Variants in ZNF653 observed in about 807,000 individuals in gnomAD.
ZNF653 encodes zinc finger protein 653.
A neutral mutation model predicts 59.9 loss-of-function variants in ZNF653; 37 were observed. That is an observed-to-expected ratio of 0.62 (90% CI 0.48 to 0.81). The LOEUF (loss-of-function observed/expected upper bound fraction) is 0.81, where lower values mean the gene tolerates loss of function less well. ZNF653 is among the 40% of genes least tolerant of loss of function. The pLI is 0.00. For missense variants in ZNF653, 808 were observed against 881.1 expected (o/e 0.92, Z 1.05); for synonymous variants, 435 against 371.8 (o/e 1.17, Z -1.96).
chr19:11,485,063 T>TA (rs1434222206), intron 7 of ZNF653, among the ~76,000 whole-genome samples: 10 of 147,194 alleles, frequency 6.8e-5, no homozygotes, highest in South Asian at 2.2e-4. Flanking sequence ...ACACACACAT[T>TA]AAAAAAAACC....
Position 11,495,923 on chromosome 19 carries a change from C to A in ZNF653, c.559+27G>T. On this transcript the variant is annotated intron_variant, in intron 3 of 8. Transcript: ENST00000293771. The surrounding 1 kb of genome is among the most constrained non-coding windows in gnomAD (Gnocchi z 4.9). ...GAAGCCCCCAGAAATGGGCGGCCCC[C>A]TATGTGCCCTCGCCCTGCAGACCTA... 2 of 1,605,034 alleles carry A rather than the reference C, an allele frequency of 1.2e-6. No homozygotes were observed. The highest frequency in any genetic ancestry group is 1.1e-5 in the South Asian group (1 of 89,970).
intron 7 of ZNF653, among the ~76,000 whole-genome samples, chr19:11,484,559 C>T (rs1252337240): frequency 6.6e-6 from 1 of 151,986 alleles, no homozygotes; most frequent in African/African-American, 2.4e-5. Context: ...AGGCATGTGC[C>T]ACCAACCATG....
At position 11,503,506 on chromosome 19, in the gene ZNF653, C is replaced by G. The variant is rs60738030; in HGVS notation, c.299+1982G>C. ...GATACAATTTACTTATGTTTCTGGT[C>G]TGCAGTAAACAAGCCTTTTGCCAGG... On this transcript the variant is annotated intron_variant, in intron 1 of 8. Transcript: ENST00000293771. Among the ~76,000 whole-genome samples the G allele has an allele frequency of 7.4e-3, 1,132 of 152,272 alleles. 18 individuals carry two copies. The highest frequency in any genetic ancestry group is 0.026 in the African/African-American group (1,084 of 41,556).
At chr19:11,484,577 A>C (rs1971445279) in intron 7 of ZNF653, among the ~76,000 whole-genome samples, 1 of 151,636 alleles carries the variant, frequency 6.6e-6, no homozygotes, top group South Asian at 2.1e-4. Context: ...ATGCCCAGCT[A>C]ATTTTGTATT....
Position 11,487,788 on chromosome 19 carries a change from C to T in ZNF653, c.675G>A (p.Ala225=), listed in dbSNP as rs745500018. ...PVKAAAAAAA[A]TPTSPVGSSG... is the part of the protein sequence containing the mutation. ...TGCTGCCCACCGGGCTGGTGGGCGT[C>T]GCTGCCGCTGCCGCTGCCGCAGCCT... The change falls in exon 4 of 9, where the codon GCG becomes GCA. Residue 225 remains alanine, a synonymous_variant. Coordinates refer to ENST00000293771, the MANE Select transcript of ZNF653 (RefSeq NM_138783.4). This position sits in a 1 kb window ranked among gnomAD's most constrained non-coding sequence, Gnocchi z 5.1. 4.3e-5 allele frequency: 69 copies of T among 1,604,290 alleles called. No individual in the cohort carries two copies. The highest frequency in any genetic ancestry group is 2.5e-4 in the East Asian group (11 of 44,816).
intron 3 of ZNF653, among the ~76,000 whole-genome samples, chr19:11,489,852 G>C (rs936906106): frequency 5.9e-5 from 9 of 152,174 alleles, no homozygotes; most frequent in African/African-American, 2.2e-4. Context: ...AAGTTTATTT[G>C]GTTCTTGCAG....
chr19:11,483,894 A>G (rs773050101), intron 8 of ZNF653, 35 bp from the exon 9 acceptor site: 11 of 700,690 alleles, frequency 1.6e-5, no homozygotes, highest in East Asian at 6.2e-5. Flanking sequence ...GGGCGGGGTC[A>G]GAGTGGGCGG....
chr19:11,486,959 C>CGTG (rs1229708041), intron 5 of ZNF653, 28 bp downstream of exon 5: 20 of 1,612,320 alleles, frequency 1.2e-5, no homozygotes, highest in Non-Finnish European at 1.7e-5. Context: ...TAGCCCTCGC[C>CGTG]CTCACCCTTG....
chr19:11,504,216 A>G (rs1324874616), intron 1 of ZNF653, among the ~76,000 whole-genome samples: 1 of 152,070 alleles, frequency 6.6e-6, no homozygotes, highest in African/African-American at 2.4e-5. Context: ...CCTGGCTAAC[A>G]GAGTAAAACC....
chr19:11,488,944 G>C (rs994545395), intron 3 of ZNF653, among the ~76,000 whole-genome samples: 2 of 151,560 alleles, frequency 1.3e-5, no homozygotes, highest in Non-Finnish European at 2.9e-5. Context: ...CTGTCACCCA[G>C]GCTGGAGTGC....
At chr19:11,498,116 A>G (rs2287671) in intron 2 of ZNF653, among the ~76,000 whole-genome samples, 180 bp downstream of exon 2, 1 of 152,144 alleles carries the variant, frequency 6.6e-6, no homozygotes, top group Admixed American at 6.5e-5. Context: ...GAGCAAGAGA[A>G]TGAGGGAGCC....
Position 11,486,711 on chromosome 19 carries a change from G to A in ZNF653, c.1455+58C>T, listed in dbSNP as rs1032306209. 1.4e-5 allele frequency: 19 copies of A among 1,398,358 alleles called. No homozygotes were observed. The African/African-American group carries it at 2.7e-4, about 20-fold the overall frequency. 86.6% of individuals were successfully genotyped at this position (1,398,358 alleles called of 1,614,324 possible). On this transcript the variant is annotated intron_variant, in intron 6 of 8. Transcript: ENST00000293771. ...CAAACTAGAGGTAGGACATCCTGGT[G>A]GTGCCATGGCCTGGGCCTTGTGGGC... is the stretch of plus-strand genomic sequence containing the variant.
Position 11,495,202 on chromosome 19 carries a change from G to GCCGGCAGCCCCCTCACCACTCA in ZNF653, c.559+726_559+747dup, listed in dbSNP as rs1477736964. Among the ~76,000 whole-genome samples the GCCGGCAGCCCCCTCACCACTCA allele has an allele frequency of 1.3e-5, 2 of 152,136 alleles. No individual in the cohort carries two copies. Among genetic ancestry groups the GCCGGCAGCCCCCTCACCACTCA allele is most frequent in the Admixed American group, 1.3e-4 (2 of 15,260 alleles). ...CAGCCATTGCCGAACCCCTGAGGCTGCCGGCAGCCCCCTCACCACTCACCG... is the reference window on the plus strand; with the variant it reads ...CAGCCATTGCCGAACCCCTGAGGCTGCCGGCAGCCCCCTCACCACTCACCGGCAGCCCCCTCACCACTCACCG... On this transcript the variant is annotated intron_variant, in intron 3 of 8. Coordinates refer to ENST00000293771, the MANE Select transcript of ZNF653 (RefSeq NM_138783.4). This position sits in a 1 kb window ranked among gnomAD's most constrained non-coding sequence, Gnocchi z 4.9.
intron 1 of ZNF653, 194 bp downstream of exon 1, chr19:11,505,294 C>T (rs1483380430): frequency 3.6e-6 from 2 of 555,310 alleles, no homozygotes; most frequent in Non-Finnish European, 5.9e-6. Context: ...ATTGGGCAGT[C>T]GGAACGATGG....
At position 11,483,883 on chromosome 19, in the gene ZNF653, G is replaced by A. The variant is rs780839759; in HGVS notation, c.1671-24C>T. ...ACCTGCCGGGAGCCCGTGGCGGGAC[G>A]GGGCGGGGTCAGAGTGGGCGGGGCG... On this transcript the variant is annotated intron_variant, in intron 8 of 8. Transcript: ENST00000293771. 6 of 1,550,288 alleles carry A rather than the reference G, an allele frequency of 3.9e-6. No homozygotes were observed. In the South Asian group the frequency reaches 4.7e-5, roughly 12 times the overall value.
At position 11,483,578 on chromosome 19, in the gene ZNF653, C is replaced by G. The variant is rs755552550; in HGVS notation, c.*104G>C. 6.9e-7 allele frequency: 1 copy of G among 1,451,962 alleles called. No individual in the cohort carries two copies. Among genetic ancestry groups the G allele is most frequent in the African/African-American group, 1.4e-5 (1 of 69,720 alleles). The allele number at this position is 1,451,962 out of a possible 1,614,324, so 89.9% of individuals were successfully genotyped here. On this transcript the variant is annotated 3_prime_UTR_variant, in exon 9 of 9. Coordinates refer to ENST00000293771, the MANE Select transcript of ZNF653 (RefSeq NM_138783.4). ...TGGGGCGGGGCGGGGGCGCCTCCTT[C>G]CGGCCCGCGGTCCGGGCGGCCCTCG... is the stretch of plus-strand genomic sequence containing the variant.
At chr19:11,503,109 T>C (rs777440367) in intron 1 of ZNF653, among the ~76,000 whole-genome samples, 1 of 151,944 alleles carries the variant, frequency 6.6e-6, no homozygotes, top group Non-Finnish European at 1.5e-5. Context: ...TACAAAATCT[T>C]GCACTTAAGA....
rs546503000 is a variant in ZNF653, at chr19:11,497,926, A to G, written c.343+370T>C. Among the ~76,000 whole-genome samples the G allele has an allele frequency of 2.6e-5, 4 of 152,294 alleles. No homozygotes were observed. In the East Asian group the frequency reaches 5.8e-4, roughly 22 times the overall value. On this transcript the variant is annotated intron_variant, in intron 2 of 8. Coordinates refer to ENST00000293771, the MANE Select transcript of ZNF653 (RefSeq NM_138783.4). The stretch of plus-strand genomic sequence containing the variant: ...GACATGGCCTGGGACCCCCAGCTCC[A>G]GGGCTCAGAGCTGTGCAGACCCTGA...
At chr19:11,489,068 TTG>T (rs1357588161) in intron 3 of ZNF653, among the ~76,000 whole-genome samples, 1 of 150,938 alleles carries the variant, frequency 6.6e-6, no homozygotes, top group Admixed American at 6.6e-5. Context: ...CCTGGCTAAT[TTG>T]TGTGTTTTTA....
Sources: gnomAD v4.1 joint callset for allele counts (sites outside exome capture counted in the v4.1 genomes callset) on GRCh38, gnomAD v4.1.1 for gene constraint, Gnocchi (gnomAD v3.1) non-coding constraint, MANE v1.5 for transcripts, NCBI Gene and HGNC (gene_info 2026-07-23, HGNC 2026-07-21) for gene names.